The following ANKS1B variants were observed in gnomAD, a reference collection of about 807,000 sequenced individuals.
The protein encoded by ANKS1B is ankyrin repeat and sterile alpha motif domain-containing protein 1B.
A neutral mutation model predicts 148.3 loss-of-function variants in ANKS1B; 36 were observed. The observed-to-expected ratio is 0.24, with a 90% CI of 0.19 to 0.32. ANKS1B has a LOEUF of 0.32. Among genes scored for constraint, ANKS1B ranks in the 10% least tolerant of loss-of-function variants. The pLI is 1.00. For missense variants in ANKS1B, 1,157 were observed against 1,542.6 expected (o/e 0.75, Z 4.19); for synonymous variants, 542 against 560.8 (o/e 0.97, Z 0.47).
intron 9 of ANKS1B, among the ~76,000 whole-genome samples, chr12:99,621,555 G>C (rs2098050944): frequency 6.6e-6 from 1 of 150,882 alleles, no homozygotes; most frequent in Non-Finnish European, 1.5e-5. Flanking sequence ...TAAAGGGTTA[G>C]AGAAAGATCT....
chr12:99,731,764 G>A (rs543469717), intron 8 of ANKS1B, among the ~76,000 whole-genome samples: 1 of 152,210 alleles, frequency 6.6e-6, no homozygotes, highest in South Asian at 2.1e-4. Flanking sequence ...AGATATCTTA[G>A]CTAAGACACA....
At chr12:99,180,733 G>A (rs1016735134) in intron 14 of ANKS1B, among the ~76,000 whole-genome samples, 3 of 150,576 alleles carry the variant, frequency 2.0e-5, no homozygotes, top group African/African-American at 7.3e-5. Flanking sequence ...TGAGTTATGA[G>A]TCTCAGGGGT....
intron 10 of ANKS1B, among the ~76,000 whole-genome samples, chr12:99,491,857 A>G (rs1323920027): frequency 1.3e-5 from 2 of 152,180 alleles, no homozygotes; most frequent in African/African-American, 2.4e-5. Context: ...GTTCTTTGAA[A>G]CTAATGAGAG....
At chr12:99,417,367 T>A (rs1299836989) in intron 11 of ANKS1B, among the ~76,000 whole-genome samples, 1 of 152,188 alleles carries the variant, frequency 6.6e-6, no homozygotes, top group African/African-American at 2.4e-5. Context: ...TGTGTATGGG[T>A]ATATTTCTGG....
chr12:98,891,378 A>G (rs1022109676), intron 17 of ANKS1B, among the ~76,000 whole-genome samples: 15 of 152,196 alleles, frequency 9.9e-5, no homozygotes, highest in African/African-American at 2.9e-4. Context: ...TTTAAAGAAA[A>G]AAAAAAGAAC....
At chr12:99,187,455 C>T (rs372829568) in intron 14 of ANKS1B, among the ~76,000 whole-genome samples, 2 of 152,110 alleles carry the variant, frequency 1.3e-5, no homozygotes, top group East Asian at 3.8e-4. Context: ...GGTTAGGTTA[C>T]CCACAAAGGG....
intron 12 of ANKS1B, among the ~76,000 whole-genome samples, chr12:99,377,658 A>G (rs925671952): frequency 6.6e-6 from 1 of 152,198 alleles, no homozygotes; most frequent in East Asian, 1.9e-4. Flanking sequence ...TAAGAAAAAG[A>G]GTGTATATTT....
At chr12:99,848,854 T>C (rs113387074) in intron 1 of ANKS1B, among the ~76,000 whole-genome samples, 4 of 152,184 alleles carry the variant, frequency 2.6e-5, no homozygotes, top group African/African-American at 9.6e-5. Context: ...CATGGAATAC[T>C]ACACAGCCAT....
intron 17 of ANKS1B, among the ~76,000 whole-genome samples, chr12:99,026,106 G>A (rs1352984632): frequency 1.3e-5 from 2 of 152,292 alleles, no homozygotes; most frequent in East Asian, 1.9e-4. Context: ...TTGAAGGTAT[G>A]TATCTACGGA....
At chr12:99,837,383 T>C (rs1461138950) in intron 1 of ANKS1B, among the ~76,000 whole-genome samples, 1 of 152,174 alleles carries the variant, frequency 6.6e-6, no homozygotes, top group Non-Finnish European at 1.5e-5. Context: ...AATGGGAAAC[T>C]AATACAGGTG....
intron 17 of ANKS1B, among the ~76,000 whole-genome samples, chr12:98,912,326 C>G (rs193176702): frequency 6.6e-6 from 1 of 152,152 alleles, no homozygotes; most frequent in Non-Finnish European, 1.5e-5. Flanking sequence ...CCTGAGCACT[C>G]GCTACCAGAG....
chr12:99,037,765 G>C (rs1295068355), intron 17 of ANKS1B, among the ~76,000 whole-genome samples: 1 of 152,098 alleles, frequency 6.6e-6, no homozygotes, highest in Non-Finnish European at 1.5e-5. Flanking sequence ...GTTTGCCAGG[G>C]GAGCCAGTTG....
At chr12:99,176,645 G>A (rs1355380395) in intron 14 of ANKS1B, among the ~76,000 whole-genome samples, 1 of 152,186 alleles carries the variant, frequency 6.6e-6, no homozygotes, top group Non-Finnish European at 1.5e-5. Context: ...CATGGGGGCA[G>A]ATCCCTCATG....
intron 12 of ANKS1B, among the ~76,000 whole-genome samples, chr12:99,376,969 C>T (rs1408967889): frequency 1.3e-5 from 2 of 151,460 alleles, no homozygotes; most frequent in South Asian, 2.1e-4. Flanking sequence ...TCTAAGACAA[C>T]CTGCACCTTA....
At chr12:99,035,250 C>T (rs2099954788) in intron 17 of ANKS1B, among the ~76,000 whole-genome samples, 1 of 152,200 alleles carries the variant, frequency 6.6e-6, no homozygotes, top group Non-Finnish European at 1.5e-5. Context: ...CTAACTTTCC[C>T]TCCACCTTTC....
At chr12:99,052,733 T>A (rs1438789227) in intron 17 of ANKS1B, among the ~76,000 whole-genome samples, 2 of 4,724 alleles carry the variant, frequency 4.2e-4, no homozygotes, top group South Asian at 5.6e-3. Flanking sequence ...AGACTCCGTC[T>A]CAAAAAAAAA....
chr12:99,090,085 G>A (rs1384591875), intron 15 of ANKS1B, among the ~76,000 whole-genome samples: 2 of 152,146 alleles, frequency 1.3e-5, no homozygotes, highest in Non-Finnish European at 2.9e-5. Flanking sequence ...ACCACGGGGA[G>A]AATATCTTAG....
At chr12:99,511,223 T>C (rs941334203) in intron 9 of ANKS1B, among the ~76,000 whole-genome samples, 2 of 151,982 alleles carry the variant, frequency 1.3e-5, no homozygotes, top group African/African-American at 4.8e-5. Context: ...TCAGAATTTT[T>C]ACCATGAAGG....
chr12:98,947,828 G>A (rs140538862), intron 17 of ANKS1B, among the ~76,000 whole-genome samples: 4 of 152,210 alleles, frequency 2.6e-5, no homozygotes, highest in African/African-American at 7.2e-5. Flanking sequence ...ATGTGATGAC[G>A]ATATCCCTCC....
Sources: allele counts gnomAD v4.1 joint callset (sites outside exome capture counted in the v4.1 genomes callset), GRCh38; gene constraint gnomAD v4.1.1; transcripts MANE v1.5; gene names NCBI Gene and HGNC (gene_info 2026-07-23, HGNC 2026-07-21).